PCDH15: variants seen among roughly 807,000 people sequenced by gnomAD.
PCDH15 encodes protocadherin-15.
A neutral mutation model predicts 178.5 loss-of-function variants in PCDH15; 129 were observed. That is an observed-to-expected ratio of 0.72 (90% CI 0.63 to 0.84). PCDH15 has a LOEUF of 0.84. Ranked by LOEUF, PCDH15 falls within the 40% of genes least tolerant of loss-of-function variation. PCDH15 has a pLI of 0.00. For missense variants in PCDH15, 2,230 were observed against 2,099.9 expected (o/e 1.06, Z -1.21); for synonymous variants, 800 against 732.0 (o/e 1.09, Z -1.50).
chr10:53,970,831 T>G (rs1476000620), intron 21 of PCDH15, among the ~76,000 whole-genome samples: 2 of 152,108 alleles, frequency 1.3e-5, no homozygotes, highest in Admixed American at 1.3e-4. Flanking sequence ...CAGGACCAGA[T>G]GGATTCACAG....
intron 2 of PCDH15, among the ~76,000 whole-genome samples, chr10:55,336,682 T>C (rs11004816): frequency 0.53 from 80,885 of 151,782 alleles, 21,915 homozygotes; most frequent in African/African-American, 0.59. Flanking sequence ...TTCCATCCTC[T>C]ACCCTTTCAC....
At chr10:54,224,997 T>C (rs916243395) in intron 9 of PCDH15, among the ~76,000 whole-genome samples, 4 of 152,150 alleles carry the variant, frequency 2.6e-5, no homozygotes, top group Admixed American at 2.6e-4. Flanking sequence ...ATAATTTAAA[T>C]CCATTTTTAC....
Position 53,941,308 on chromosome 10 carries a change from T to C in PCDH15, c.3123-333A>G, listed in dbSNP as rs10825169. Among the ~76,000 whole-genome samples the C allele has an allele frequency of 0.58, 88,610 of 151,918 alleles. 26,362 individuals are homozygous for C. The highest frequency in any genetic ancestry group is 0.77 in the East Asian group (3,945 of 5,142). ...GGTATTCTCACTGTTCTGAAAATCC[T>C]CTGTGCCCTGTATATTCATCCCTCC... On this transcript the variant is annotated intron_variant, in intron 23 of 37. Coordinates refer to ENST00000644397, the MANE Select transcript of PCDH15 (RefSeq NM_001384140.1).
intron 15 of PCDH15, among the ~76,000 whole-genome samples, chr10:54,101,135 A>C (rs1380152067): frequency 6.6e-6 from 1 of 152,146 alleles, no homozygotes; most frequent in East Asian, 1.9e-4. Flanking sequence ...AATAAGTCTC[A>C]TGAAATCTGA....
At chr10:54,601,748 A>G (rs570143715) in intron 2 of PCDH15, among the ~76,000 whole-genome samples, 2 of 152,128 alleles carry the variant, frequency 1.3e-5, no homozygotes, top group East Asian at 3.9e-4. Flanking sequence ...ACATATGTTC[A>G]TTTCAGTAAA....
chr10:54,499,611 T>A (rs907137496), intron 3 of PCDH15, among the ~76,000 whole-genome samples: 8 of 151,976 alleles, frequency 5.3e-5, no homozygotes, highest in Admixed American at 2.0e-4. Flanking sequence ...ATAAAAAAAA[T>A]TATTTGAAAC....
At chr10:55,249,653 G>A (rs145493858) in intron 1 of PCDH15, among the ~76,000 whole-genome samples, 1 of 152,194 alleles carries the variant, frequency 6.6e-6, no homozygotes, top group East Asian at 1.9e-4. Flanking sequence ...TTAGTAAGGT[G>A]TGACATGCAA....
At chr10:54,093,446 A>G (rs527516752) in intron 15 of PCDH15, among the ~76,000 whole-genome samples, 22 of 152,304 alleles carry the variant, frequency 1.4e-4, no homozygotes, top group Admixed American at 1.2e-3. Context: ...TACATGAGTT[A>G]GCACTTGTAT....
At chr10:53,864,190 GCTAAATC>G (rs2079291161) in intron 27 of PCDH15, among the ~76,000 whole-genome samples, 1 of 152,108 alleles carries the variant, frequency 6.6e-6, no homozygotes, top group South Asian at 2.1e-4. Context: ...ACTTCCTAAA[GCTAAATC>G]AAAGGGAAAA....
rs142866033 is a variant in PCDH15 at position 55,137,832 on chromosome 10, G to A, written c.-80+28744C>T. On this transcript the variant is annotated intron_variant, in intron 2 of 5. Transcript: ENST00000458638. ...AACTACAGGAGTTAGGAGAATAAAA[G>A]AGCAGCCTTTAGTCCTGGTGGAAAT... is the stretch of plus-strand genomic sequence containing the variant. Among the ~76,000 whole-genome samples the A allele has an allele frequency of 2.2e-3, 342 of 152,214 alleles. 1 individual carries two copies. Among genetic ancestry groups the A allele is most frequent in the African/African-American group, 7.9e-3 (330 of 41,544 alleles).
intron 15 of PCDH15, among the ~76,000 whole-genome samples, chr10:54,131,017 C>T (rs1424519231): frequency 5.9e-5 from 9 of 152,176 alleles, no homozygotes; most frequent in Non-Finnish European, 1.3e-4. Flanking sequence ...GGCATCCTTT[C>T]TTTTCCTTCT....
intron 3 of PCDH15, among the ~76,000 whole-genome samples, chr10:54,835,045 T>C (rs940809364): frequency 3.9e-5 from 6 of 152,184 alleles, no homozygotes; most frequent in African/African-American, 1.2e-4. Context: ...AATGTGAAGA[T>C]ACAATTGGTA....
intron 3 of PCDH15, among the ~76,000 whole-genome samples, chr10:54,874,054 A>C (rs7913747): frequency 2.7e-4 from 22 of 82,124 alleles, no homozygotes; most frequent in East Asian, 3.9e-4. Flanking sequence ...CATGTGCCAT[A>C]CTGGTGCGCT....
At chr10:55,068,922 G>C (rs769350452) in intron 2 of PCDH15, among the ~76,000 whole-genome samples, 2 of 151,972 alleles carry the variant, frequency 1.3e-5, no homozygotes, top group African/African-American at 2.4e-5. Flanking sequence ...TTTTGAGACA[G>C]AGTCTCACTC....
chr10:54,559,597 G>A (rs1402671362), intron 2 of PCDH15, among the ~76,000 whole-genome samples: 1 of 151,928 alleles, frequency 6.6e-6, no homozygotes, highest in Non-Finnish European at 1.5e-5. Context: ...TACAGTATAT[G>A]ATTGAATTTT....
At position 55,448,918 on chromosome 10, in the gene PCDH15, T is replaced by C. The variant is rs149693078; in HGVS notation, c.-156+178707A>G. ...TAAGTAAGAAAGAATTAATTGTTAATTAAACAGAATTTTCAATTCTTTTAT... is the reference window on the plus strand; with the variant it reads ...TAAGTAAGAAAGAATTAATTGTTAACTAAACAGAATTTTCAATTCTTTTAT... On this transcript the variant is annotated intron_variant, in intron 2 of 5. Coordinates refer to the PCDH15 transcript ENST00000613346. Among the ~76,000 whole-genome samples, 1,041 of 152,170 alleles carry C rather than the reference T, an allele frequency of 6.8e-3. 15 individuals carry two copies. Among genetic ancestry groups the C allele is most frequent in the African/African-American group, 0.024 (994 of 41,556 alleles).
Position 54,740,677 on chromosome 10 carries a change from C to T in PCDH15, c.-29+60248G>A, listed in dbSNP as rs566823543. Among the ~76,000 whole-genome samples the T allele has an allele frequency of 4.6e-5, 7 of 151,856 alleles. No homozygotes were observed. The South Asian group carries it at 6.2e-4, about 14-fold the overall frequency. On this transcript the variant is annotated intron_variant, in intron 1 of 37. Coordinates refer to ENST00000644397, the MANE Select transcript of PCDH15 (RefSeq NM_001384140.1). ...AAAATGTAGTATATATACAAAGTGGCGTATTAATACATTAAAAAGAATGCT... is the reference window on the plus strand; with the variant it reads ...AAAATGTAGTATATATACAAAGTGGTGTATTAATACATTAAAAAGAATGCT...
chr10:54,639,353 A>T (rs577335934), intron 2 of PCDH15, among the ~76,000 whole-genome samples: 1 of 152,266 alleles, frequency 6.6e-6, no homozygotes, highest in African/African-American at 2.4e-5. Flanking sequence ...TAGATATATA[A>T]AATCTTATTT....
chr10:55,599,540 T>C lies in PCDH15; in HGVS notation c.-156+28085A>G, dbSNP rs79101383. The C allele has an allele frequency of 4.6e-3, 710 of 155,398 alleles. 6 individuals are homozygous for C. Among genetic ancestry groups the C allele is most frequent in the African/African-American group, 0.016 (676 of 41,722 alleles). 9.6% of individuals were successfully genotyped at this position (155,398 alleles called of 1,614,324 possible). A position where few individuals can be genotyped will look rare whatever the true frequency, so the allele number is the denominator to read the frequency against. ...TTAAACTCCTAATATTACATTGGAC[T>C]AATCTATTATTCAGTAGAAGCAATA... On this transcript the variant is annotated intron_variant, in intron 2 of 5. Transcript: ENST00000613346.
Sources: allele counts gnomAD v4.1 joint callset (sites outside exome capture counted in the v4.1 genomes callset), GRCh38; gene constraint gnomAD v4.1.1; transcripts MANE v1.5; gene names NCBI Gene and HGNC (gene_info 2026-07-23, HGNC 2026-07-21).